Variants in TNFAIP8 observed in about 807,000 individuals in gnomAD.
The protein encoded by TNFAIP8 is tumor necrosis factor alpha-induced protein 8.
Under a neutral mutation model 13.3 loss-of-function variants are expected in TNFAIP8, and 7 were observed. The ratio of observed to expected loss-of-function variants is 0.52; its 90% confidence interval spans 0.30 to 0.99. The LOEUF is 0.99. TNFAIP8 is among the 50% of genes least tolerant of loss of function. The pLI, the probability that TNFAIP8 is intolerant of heterozygous loss-of-function variation, is 0.07. For synonymous variants in TNFAIP8, 94 were observed against 87.6 expected (o/e 1.07, Z -0.41); for missense variants, 258 against 236.9 (o/e 1.09, Z -0.58).
chr5:119,368,397 C>G (rs576601923), intron 1 of TNFAIP8, among the ~76,000 whole-genome samples: 2 of 149,042 alleles, frequency 1.3e-5, no homozygotes, highest in South Asian at 4.2e-4. Context: ...CCCACACTTT[C>G]TCTTCTTTCT....
intron 1 of TNFAIP8, among the ~76,000 whole-genome samples, chr5:119,387,070 T>G (rs561167129): frequency 2.0e-5 from 3 of 151,768 alleles, no homozygotes; most frequent in African/African-American, 7.2e-5. Flanking sequence ...GGATTTTGAG[T>G]ATGAAAGCTG....
At chr5:119,338,949 A>G (rs1750646253) in intron 1 of TNFAIP8, among the ~76,000 whole-genome samples, 1 of 152,094 alleles carries the variant, frequency 6.6e-6, no homozygotes, top group African/African-American at 2.4e-5. Flanking sequence ...CAGGAGGCTT[A>G]GGCGGGAGGA....
At chr5:119,369,898 A>C (rs757421539) in intron 1 of TNFAIP8, among the ~76,000 whole-genome samples, 1 of 152,192 alleles carries the variant, frequency 6.6e-6, no homozygotes, top group Non-Finnish European at 1.5e-5. Flanking sequence ...GGACTTAACC[A>C]GGTTTGTCTA....
upstream of TNFAIP8, chr5:119,355,897 C>A (rs1288303908): frequency 8.9e-6 from 11 of 1,233,858 alleles, no homozygotes; most frequent in East Asian, 4.6e-4. Flanking sequence ...ACACGCGATT[C>A]GTCACTCTTG....
At chr5:119,300,489 C>G (rs1749353025) in intron 1 of TNFAIP8, among the ~76,000 whole-genome samples, 1 of 152,084 alleles carries the variant, frequency 6.6e-6, no homozygotes, top group Non-Finnish European at 1.5e-5. Flanking sequence ...TTTGCATGTC[C>G]TTGCAACTTA....
chr5:119,359,335 C>T (rs1424334205), intron 1 of TNFAIP8, among the ~76,000 whole-genome samples: 1 of 152,148 alleles, frequency 6.6e-6, no homozygotes, highest in South Asian at 2.1e-4. Flanking sequence ...TTTTTCTGAA[C>T]CTAAACTCAG....
At chr5:119,361,447 G>A (rs1464911447) in intron 1 of TNFAIP8, among the ~76,000 whole-genome samples, 1 of 152,200 alleles carries the variant, frequency 6.6e-6, no homozygotes, top group East Asian at 1.9e-4. Context: ...TGGTTTTGAA[G>A]ATGGGGGAGG....
chr5:119,270,496 A>C (rs1292038303), intron 1 of TNFAIP8, among the ~76,000 whole-genome samples: 1 of 152,236 alleles, frequency 6.6e-6, no homozygotes, highest in Non-Finnish European at 1.5e-5. Context: ...TCCTGGGCTC[A>C]AGTGATCCTC....
chr5:119,327,755 G>A (rs1750264999), intron 1 of TNFAIP8, among the ~76,000 whole-genome samples: 2 of 152,036 alleles, frequency 1.3e-5, no homozygotes, highest in South Asian at 2.1e-4. Flanking sequence ...CACCGTGCCC[G>A]GCCGCGTTAT....
chr5:119,286,693 T>C (rs1200296421), intron 1 of TNFAIP8, among the ~76,000 whole-genome samples: 1 of 151,836 alleles, frequency 6.6e-6, no homozygotes, highest in African/African-American at 2.4e-5. Flanking sequence ...CCTGTGAGTT[T>C]GTCATCTTGC....
chr5:119,272,561 C>T (rs952767122), intron 1 of TNFAIP8, among the ~76,000 whole-genome samples: 1 of 152,198 alleles, frequency 6.6e-6, no homozygotes, highest in Admixed American at 6.5e-5. Context: ...ACATCTGTTT[C>T]AAATAACCAG....
At position 119,317,725 on chromosome 5, in the gene TNFAIP8, A is replaced by G. The variant is rs1342396571; in HGVS notation, c.1+48818A>G. Among the ~76,000 whole-genome samples, 8 of 152,100 alleles carry G rather than the reference A, an allele frequency of 5.3e-5. No individual in the cohort carries two copies. In the South Asian group the frequency reaches 1.2e-3, roughly 24 times the overall value. On this transcript the variant is annotated intron_variant, in intron 1 of 1. Transcript: ENST00000274456. ...ATGATTCTCCTGCGTCAGCCTCCCA[A>G]GTAGCTGGGATTATAGGCATAGGCC... is the stretch of plus-strand genomic sequence containing the variant.
At chr5:119,348,419 T>A (rs965059331) in intron 1 of TNFAIP8, among the ~76,000 whole-genome samples, 2 of 152,210 alleles carry the variant, frequency 1.3e-5, no homozygotes, top group African/African-American at 4.8e-5. Flanking sequence ...GCCCTTAGAC[T>A]TGAATTTTAG....
intron 1 of TNFAIP8, among the ~76,000 whole-genome samples, chr5:119,289,543 A>G (rs1748918709): frequency 6.6e-6 from 1 of 152,246 alleles, no homozygotes; most frequent in African/African-American, 2.4e-5. Context: ...ATGAAATGCT[A>G]TCAGTTTCTG....
chr5:119,304,441 T>A (rs1222170316), intron 1 of TNFAIP8, among the ~76,000 whole-genome samples: 1 of 152,254 alleles, frequency 6.6e-6, no homozygotes, highest in African/African-American at 2.4e-5. Flanking sequence ...CATTCTGAAC[T>A]GTTTCTTACC....
Position 119,395,287 on chromosome 5 carries a change from CA to C in TNFAIP8, c.*1907del, listed in dbSNP as rs1753047180. On this transcript the variant is annotated 3_prime_UTR_variant, in exon 2 of 2. Coordinates refer to ENST00000504771, the MANE Select transcript of TNFAIP8 (RefSeq NM_014350.4). ...ATGGAATTCAGCAGCCTTCCTTGACCAGCTGTTTTCCTCACATGTGAAGGCT... is the reference window on the plus strand; with the variant it reads ...ATGGAATTCAGCAGCCTTCCTTGACCGCTGTTTTCCTCACATGTGAAGGCT... The C allele has an allele frequency of 6.6e-6, 1 of 152,260 alleles. No homozygotes were observed. Among genetic ancestry groups the C allele is most frequent in the Non-Finnish European group, 1.5e-5 (1 of 68,094 alleles). The allele number at this position is 152,260 out of a possible 1,614,324, so 9.4% of individuals were successfully genotyped here. A position where few individuals can be genotyped will look rare whatever the true frequency, so the allele number is the denominator to read the frequency against.
rs531615543 is a variant in TNFAIP8 at position 119,326,972 on chromosome 5, CCCT to C, written c.1+58068_1+58070del. ...CTTCCAGATTAAACCAGCCCGTGTG[CCCT>C]CCATTGTCCTGAAGGGGCTTGGGTG... On this transcript the variant is annotated intron_variant, in intron 1 of 1. Coordinates refer to the TNFAIP8 transcript ENST00000274456. Among the ~76,000 whole-genome samples the C allele has an allele frequency of 4.6e-5, 7 of 152,262 alleles. No homozygotes were observed. The South Asian group carries it at 1.2e-3, about 27-fold the overall frequency.
At chr5:119,269,390 C>A (rs1419933054) in intron 1 of TNFAIP8, among the ~76,000 whole-genome samples, 1 of 152,104 alleles carries the variant, frequency 6.6e-6, no homozygotes, top group Non-Finnish European at 1.5e-5. Context: ...AGACCAGAGC[C>A]CTGCTTTGAG....
chr5:119,358,023 G>C (rs189601252), intron 1 of TNFAIP8, among the ~76,000 whole-genome samples: 1 of 151,842 alleles, frequency 6.6e-6, no homozygotes, highest in African/African-American at 2.4e-5. Flanking sequence ...CTCAGATGTC[G>C]ATGAAGCGAG....
Sources: allele counts gnomAD v4.1 joint callset (sites outside exome capture counted in the v4.1 genomes callset), GRCh38; gene constraint gnomAD v4.1.1; transcripts MANE v1.5; gene names NCBI Gene and HGNC (gene_info 2026-07-23, HGNC 2026-07-21).